The following EVA1A variants were observed in gnomAD, a reference collection of about 807,000 sequenced individuals.
The protein encoded by EVA1A is protein eva-1 homolog A.
Under a neutral mutation model 9.8 loss-of-function variants are expected in EVA1A, and 7 were observed. The observed-to-expected ratio is 0.71, with a 90% CI of 0.41 to 1.34. The LOEUF is 1.34. EVA1A is among the 40% of genes most tolerant of loss of function. The pLI is 0.01. For synonymous variants in EVA1A, 90 were observed against 85.6 expected (o/e 1.05, Z -0.28); for missense variants, 206 against 205.9 (o/e 1.00, Z 0.00).
intron 1 of EVA1A, among the ~76,000 whole-genome samples, chr2:75,551,274 G>T (rs1209451113): frequency 6.6e-6 from 1 of 152,092 alleles, no homozygotes; most frequent in Non-Finnish European, 1.5e-5. Context: ...CTAAAGTTTG[G>T]TATGTCCACT....
intron 2 of EVA1A, among the ~76,000 whole-genome samples, chr2:75,521,074 G>C (rs1675213438): frequency 6.6e-6 from 1 of 152,110 alleles, no homozygotes; most frequent in Non-Finnish European, 1.5e-5. Context: ...TTTCTCCAAA[G>C]ATATACAAGT....
intron 1 of EVA1A, among the ~76,000 whole-genome samples, chr2:75,538,102 C>T (rs1485172257): frequency 6.6e-6 from 1 of 152,004 alleles, no homozygotes; most frequent in Non-Finnish European, 1.5e-5. Context: ...CCAGCCTGAC[C>T]AATATGGTGA....
chr2:75,530,721 C>G (rs560561018), intron 1 of EVA1A, among the ~76,000 whole-genome samples: 9 of 152,088 alleles, frequency 5.9e-5, no homozygotes, highest in Non-Finnish European at 1.2e-4. Context: ...GATTAAAACC[C>G]TCAGCAAAAT....
In EVA1A at chr2:75,544,958, A is replaced by G. The variant is rs73938959; in HGVS notation, c.-192+15722T>C. Among the ~76,000 whole-genome samples the G allele has an allele frequency of 2.9e-3, 445 of 152,334 alleles. 2 individuals are homozygous for G. Among genetic ancestry groups the G allele is most frequent in the African/African-American group, 0.01 (418 of 41,584 alleles). On this transcript the variant is annotated intron_variant, in intron 1 of 3. Transcript: ENST00000393913. Reference sequence around the variant, plus strand: ...GGGTACACTTGATAGTGAGAATGTCATGAGGCTACAGTGTTCATCCCAAAC... The same window carrying G: ...GGGTACACTTGATAGTGAGAATGTCGTGAGGCTACAGTGTTCATCCCAAAC...
At chr2:75,553,557 A>T (rs1229630252) in intron 1 of EVA1A, among the ~76,000 whole-genome samples, 1 of 152,354 alleles carries the variant, frequency 6.6e-6, no homozygotes, top group East Asian at 1.9e-4. Flanking sequence ...TGCCTGGCAC[A>T]TGAAGGTGTC....
intron 3 of EVA1A, among the ~76,000 whole-genome samples, chr2:75,502,339 A>G (rs2103790914): frequency 6.6e-6 from 1 of 152,326 alleles, no homozygotes; most frequent in African/African-American, 2.4e-5. Flanking sequence ...GGTTTCTAAC[A>G]TAATAACAAT....
chr2:75,494,732 TG>T (rs34324232), intron 3 of EVA1A, among the ~76,000 whole-genome samples: 2 of 152,180 alleles, frequency 1.3e-5, no homozygotes, highest in African/African-American at 4.8e-5. Flanking sequence ...CTGTAGAAAC[TG>T]GGAGATAATA....
At chr2:75,563,544 A>G (rs564950184), upstream of EVA1A, among the ~76,000 whole-genome samples, 6 of 152,344 alleles carry the variant, frequency 3.9e-5, no homozygotes, top group East Asian at 1.2e-3. Flanking sequence ...CTCTACGCCA[A>G]TCCTTTCCAC....
intron 3 of EVA1A, among the ~76,000 whole-genome samples, chr2:75,495,746 C>T (rs1348305794): frequency 6.6e-6 from 1 of 152,134 alleles, no homozygotes; most frequent in Non-Finnish European, 1.5e-5. Context: ...CACAAACCAC[C>T]TGTACCCCCA....
intron 3 of EVA1A, among the ~76,000 whole-genome samples, chr2:75,499,340 A>G (rs1175512087): frequency 6.6e-6 from 1 of 152,160 alleles, no homozygotes; most frequent in African/African-American, 2.4e-5. Context: ...GAGTGAAATA[A>G]TGGAAGTGGG....
At chr2:75,545,383 G>A (rs1056039349) in intron 1 of EVA1A, among the ~76,000 whole-genome samples, 1 of 152,176 alleles carries the variant, frequency 6.6e-6, no homozygotes, top group African/African-American at 2.4e-5. Flanking sequence ...TTTGGGACTG[G>A]AGAAACAGAG....
chr2:75,558,279 T>C (rs1178872153), intron 1 of EVA1A, among the ~76,000 whole-genome samples: 1 of 152,236 alleles, frequency 6.6e-6, no homozygotes, highest in Non-Finnish European at 1.5e-5. Flanking sequence ...AGGTACGCTA[T>C]TTCTTCTTAC....
At chr2:75,548,599 C>T (rs1676410781) in intron 1 of EVA1A, among the ~76,000 whole-genome samples, 1 of 152,168 alleles carries the variant, frequency 6.6e-6, no homozygotes, top group Non-Finnish European at 1.5e-5. Flanking sequence ...CCCTCCGAAG[C>T]TTTTCAGCCC....
intron 3 of EVA1A, among the ~76,000 whole-genome samples, chr2:75,500,650 G>T (rs890567763): frequency 1.3e-5 from 2 of 151,840 alleles, no homozygotes; most frequent in East Asian, 3.9e-4. Context: ...ACCTCACATC[G>T]ATCTCATTCT....
chr2:75,559,040 G>C lies in EVA1A; in HGVS notation c.-192+1640C>G, dbSNP rs368545023. Among the ~76,000 whole-genome samples the C allele has an allele frequency of 3.9e-5, 6 of 152,304 alleles. No individual in the cohort carries two copies. In the South Asian group the frequency reaches 6.2e-4, roughly 16 times the overall value. Reference sequence around the variant, plus strand: ...GAGACTGGTATAATCAGCCAAACTAGAGCAGATAAAAGGATGAGAGCTGGA... The same window carrying C: ...GAGACTGGTATAATCAGCCAAACTACAGCAGATAAAAGGATGAGAGCTGGA... On this transcript the variant is annotated intron_variant, in intron 1 of 3. Coordinates refer to ENST00000393913, the MANE Select transcript of EVA1A (RefSeq NM_001135032.2).
intron 2 of EVA1A, among the ~76,000 whole-genome samples, chr2:75,520,707 A>C (rs932893972): frequency 6.6e-6 from 1 of 152,200 alleles, no homozygotes; most frequent in African/African-American, 2.4e-5. Context: ...AAATGTGTCA[A>C]AGACCTAAAT....
chr2:75,525,620 C>A (rs1177767384), intron 1 of EVA1A, among the ~76,000 whole-genome samples: 1 of 152,234 alleles, frequency 6.6e-6, no homozygotes, highest in Non-Finnish European at 1.5e-5. Context: ...AAAACAAATT[C>A]TGTCTCAATG....
intron 1 of EVA1A, among the ~76,000 whole-genome samples, chr2:75,538,962 GCA>G (rs1429534879): frequency 9.9e-5 from 15 of 152,178 alleles, no homozygotes; most frequent in Non-Finnish European, 2.9e-5. Flanking sequence ...TGATATTGTA[GCA>G]CAGTTTTGCA....
At chr2:75,560,104 G>A (rs1027166982) in intron 1 of EVA1A, among the ~76,000 whole-genome samples, 3 of 152,078 alleles carry the variant, frequency 2.0e-5, no homozygotes, top group Non-Finnish European at 1.5e-5. Context: ...GACTGTCTGC[G>A]CGCCCCTCTC....
Sources: allele counts gnomAD v4.1 joint callset (sites outside exome capture counted in the v4.1 genomes callset), GRCh38; gene constraint gnomAD v4.1.1; transcripts MANE v1.5; gene names NCBI Gene and HGNC (gene_info 2026-07-23, HGNC 2026-07-21).